ERC2: variants seen among roughly 807,000 people sequenced by gnomAD.
The protein encoded by ERC2 is ELKS/RAB6-interacting/CAST family member 2.
Under a neutral mutation model 114.8 loss-of-function variants are expected in ERC2, and 42 were observed. That is an observed-to-expected ratio of 0.37 (90% CI 0.29 to 0.47). ERC2 has a LOEUF of 0.47. Ranked by LOEUF, ERC2 falls within the 20% of genes least tolerant of loss-of-function variation. The pLI is 0.99. For synonymous variants in ERC2, 454 were observed against 425.5 expected, an observed-to-expected ratio of 1.07 and a Z score of -0.82; for missense variants, 939 against 1,150.7, an observed-to-expected ratio of 0.82 and a Z score of 2.66.
At chr3:55,985,804 C>T (rs1229085553) in intron 12 of ERC2, among the ~76,000 whole-genome samples, 173 bp downstream of exon 12, 1 of 152,164 alleles carries the variant, frequency 6.6e-6, no homozygotes, top group Non-Finnish European at 1.5e-5. Flanking sequence ...CCTTTTCCCA[C>T]CTATACATCC....
At chr3:55,545,688 C>A (rs572809515) in intron 17 of ERC2, among the ~76,000 whole-genome samples, 9 of 152,264 alleles carry the variant, frequency 5.9e-5, no homozygotes, top group African/African-American at 1.7e-4. Flanking sequence ...AGTACACCAA[C>A]ACTGCAAAGA....
intron 2 of ERC2, chr3:56,434,117 C>A: frequency 5.9e-6 from 3 of 507,976 alleles, no homozygotes; most frequent in East Asian, 3.2e-5. Context: ...CCCCACCCCA[C>A]CCCTCTCCCC....
intron 14 of ERC2, among the ~76,000 whole-genome samples, chr3:55,782,200 T>G (rs2069113823): frequency 6.6e-6 from 1 of 152,144 alleles, no homozygotes; most frequent in Non-Finnish European, 1.5e-5. Context: ...GTTCTGCATG[T>G]GTCAGGCCGA....
chr3:56,030,782 T>G (rs2074334367), intron 7 of ERC2, among the ~76,000 whole-genome samples: 1 of 152,004 alleles, frequency 6.6e-6, no homozygotes, highest in South Asian at 2.1e-4. Flanking sequence ...AATCTAGGAG[T>G]AAGTAATTAT....
chr3:55,843,764 C>G (rs1024558781), intron 14 of ERC2, among the ~76,000 whole-genome samples: 7 of 152,214 alleles, frequency 4.6e-5, no homozygotes, highest in Admixed American at 4.6e-4. Flanking sequence ...GACCTGTTGG[C>G]TCCTTCCTTT....
At chr3:56,237,320 CCTTCCAGTTG>C (rs1199724296) in intron 3 of ERC2, among the ~76,000 whole-genome samples, 4 of 152,272 alleles carry the variant, frequency 2.6e-5, no homozygotes, top group Non-Finnish European at 4.4e-5. Flanking sequence ...ATACTCAAGC[CCTTCCAGTTG>C]GCCTAATAGT....
At chr3:56,141,478 C>A (rs963054604) in intron 5 of ERC2, among the ~76,000 whole-genome samples, 1 of 152,164 alleles carries the variant, frequency 6.6e-6, no homozygotes, top group African/African-American at 2.4e-5. Flanking sequence ...TATGGACAGG[C>A]CATGCAGAAA....
Position 56,148,961 on chromosome 3 carries a change from T to A in ERC2, c.1305+16A>T, listed in dbSNP as rs768293701. On this transcript the variant is annotated intron_variant, in intron 5 of 17. Coordinates refer to ENST00000288221, the MANE Select transcript of ERC2 (RefSeq NM_015576.3). ...GTCACATTAAGAACATAAAAGTTTA[T>A]AACCCTGGACCGTACCTTGGTCTTC... 1.2e-6 allele frequency: 2 copies of A among 1,609,162 alleles called. No homozygotes were observed. The highest frequency in any genetic ancestry group is 2.2e-5 in the South Asian group (2 of 90,194).
intron 16 of ERC2, among the ~76,000 whole-genome samples, chr3:55,689,819 A>AG (rs1374294124): frequency 6.6e-6 from 1 of 152,014 alleles, no homozygotes; most frequent in Admixed American, 6.5e-5. Flanking sequence ...AGAAAAAAAA[A>AG]AGAAAAGAAA....
At chr3:56,236,796 G>A (rs537295913) in intron 3 of ERC2, among the ~76,000 whole-genome samples, 2 of 152,286 alleles carry the variant, frequency 1.3e-5, no homozygotes, top group East Asian at 1.9e-4. Flanking sequence ...TGGGAATAGA[G>A]AGAAAACAGA....
chr3:55,569,632 T>G (rs1010329314), intron 17 of ERC2, among the ~76,000 whole-genome samples: 5 of 152,226 alleles, frequency 3.3e-5, no homozygotes, highest in African/African-American at 1.2e-4. Flanking sequence ...AAACTCCTCT[T>G]AAGCTAAAAT....
chr3:56,162,860 A>G (rs560553177), intron 4 of ERC2, among the ~76,000 whole-genome samples: 1 of 151,990 alleles, frequency 6.6e-6, no homozygotes, highest in East Asian at 1.9e-4. Context: ...TTGGGTCTCA[A>G]TTGTGTTCAG....
intron 6 of ERC2, among the ~76,000 whole-genome samples, chr3:56,126,184 A>G (rs1372085361): frequency 2.0e-5 from 3 of 152,214 alleles, no homozygotes; most frequent in African/African-American, 7.2e-5. Flanking sequence ...TAAAAATTCC[A>G]TCTTCAAACT....
chr3:56,155,077 G>A (rs2081620870), intron 4 of ERC2, among the ~76,000 whole-genome samples: 1 of 152,166 alleles, frequency 6.6e-6, no homozygotes. Flanking sequence ...CTCAATAAAT[G>A]TTAGCGTCCC....
At chr3:55,659,270 A>C (rs1370420683) in intron 17 of ERC2, 1 of 152,216 alleles carries the variant, frequency 6.6e-6, no homozygotes, top group East Asian at 1.9e-4. Context: ...GACATTCACA[A>C]ATGGCAAATT....
chr3:55,842,885 C>T (rs988084924), intron 14 of ERC2, among the ~76,000 whole-genome samples: 1 of 151,826 alleles, frequency 6.6e-6, no homozygotes, highest in African/African-American at 2.4e-5. Flanking sequence ...TAGTTCTATG[C>T]AGAAGGAAAG....
chr3:55,522,004 A>T (rs2052982399), intron 17 of ERC2, among the ~76,000 whole-genome samples: 1 of 152,248 alleles, frequency 6.6e-6, no homozygotes, highest in Non-Finnish European at 1.5e-5. Flanking sequence ...CCACTGCCAT[A>T]AACACAGTCA....
intron 6 of ERC2, among the ~76,000 whole-genome samples, chr3:56,131,478 C>T (rs975145372): frequency 1.3e-5 from 2 of 152,068 alleles, no homozygotes; most frequent in African/African-American, 4.8e-5. Flanking sequence ...TTGTATGCTA[C>T]TAACTTTTCT....
chr3:55,691,485 C>T (rs1228470740), intron 16 of ERC2, among the ~76,000 whole-genome samples: 2 of 140,094 alleles, frequency 1.4e-5, no homozygotes, highest in Non-Finnish European at 3.0e-5. Context: ...TTCATCCCCA[C>T]GTGAAACAAA....
Sources: gnomAD v4.1 joint callset for allele counts (sites outside exome capture counted in the v4.1 genomes callset) on GRCh38, gnomAD v4.1.1 for gene constraint, MANE v1.5 for transcripts, NCBI Gene and HGNC (gene_info 2026-07-23, HGNC 2026-07-21) for gene names.